Variants in TTLL5 observed in about 807,000 individuals in gnomAD.
TTLL5 encodes tubulin tyrosine ligase like 5, also known as tubulin polyglutamylase TTLL5.
In TTLL5, 132 loss-of-function variants were observed where a neutral mutation model predicts 168.4. The observed-to-expected ratio is 0.78, with a 90% CI of 0.68 to 0.91. The LOEUF (loss-of-function observed/expected upper bound fraction) is 0.91, where lower values mean the gene tolerates loss of function less well. Ranked by LOEUF, TTLL5 falls within the 40% of genes least tolerant of loss-of-function variation. TTLL5 has a pLI of 0.00. For synonymous variants in TTLL5, 546 were observed against 558.6 expected (o/e 0.98, Z 0.32); for missense variants, 1,545 against 1,581.5 (o/e 0.98, Z 0.39).
At chr14:75,930,682 G>T in intron 31 of TTLL5, 3 of 976,072 alleles carry the variant, frequency 3.1e-6, no homozygotes, top group South Asian at 4.7e-5. Flanking sequence ...ATAGGATTAG[G>T]CAAAGAAAGC....
Position 75,811,183 on chromosome 14 carries a change from GTGTGTA to G in TTLL5, c.3172-8818_3172-8813del, listed in dbSNP as rs1353740305. On this transcript the variant is annotated intron_variant, in intron 27 of 31. Transcript: ENST00000298832. ...TGTGTGTGTGTGTGTGTGTGTGTGT[GTGTGTA>G]TGTGTGTGTGTGTGTTTGGGAGTAG... is the stretch of plus-strand genomic sequence containing the variant. Among the ~76,000 whole-genome samples the G allele has an allele frequency of 8.6e-3, 1,044 of 121,474 alleles. 8 individuals are homozygous for G. The highest frequency in any genetic ancestry group is 0.014 in the Non-Finnish European group (750 of 52,232). The allele number at this position is 121,474 out of a possible 152,430, so 79.7% of individuals were successfully genotyped here. A position where few individuals can be genotyped will look rare whatever the true frequency, so the allele number is the denominator to read the frequency against.
intron 29 of TTLL5, among the ~76,000 whole-genome samples, chr14:75,872,761 A>AT (rs1432379095): frequency 6.6e-6 from 1 of 151,900 alleles, no homozygotes; most frequent in African/African-American, 2.4e-5. Context: ...AATACAAAAA[A>AT]TTAGCTGTGC....
intron 18 of TTLL5, among the ~76,000 whole-genome samples, chr14:75,755,306 C>A (rs780812976): frequency 1.3e-5 from 2 of 150,608 alleles, no homozygotes; most frequent in Non-Finnish European, 2.9e-5. Flanking sequence ...TAATAATTTT[C>A]CCTGTTTAGC....
intron 28 of TTLL5, among the ~76,000 whole-genome samples, chr14:75,826,065 T>A (rs1170254770): frequency 6.6e-6 from 1 of 152,066 alleles, no homozygotes; most frequent in Non-Finnish European, 1.5e-5. Flanking sequence ...CAAAGATAGC[T>A]GGCTGGACGT....
chr14:75,708,434 T>G (rs2140174707), intron 9 of TTLL5, among the ~76,000 whole-genome samples: 1 of 152,260 alleles, frequency 6.6e-6, no homozygotes, highest in Middle Eastern at 3.4e-3. Context: ...CACGCCATTC[T>G]CCTGCCTCAG....
In TTLL5 at chr14:75,766,320, A is replaced by G; in HGVS notation, c.1967A>G (p.Glu656Gly). Residue 656 changes from glutamate (E) to glycine (G), a missense_variant, in exon 20 of 32, where the codon GAG becomes GGG. Transcript: ENST00000298832. ...TGCAAACTTGAGACTCAGGAGCTAG[A>G]GCCTAAATTTAACCTGATGCAGATT... ...HCCKLETQEL[E>G]PKFNLMQILQ... 2 of 1,613,918 alleles carry G rather than the reference A, an allele frequency of 1.2e-6. No individual in the cohort carries two copies. Among genetic ancestry groups the G allele is most frequent in the Non-Finnish European group, 1.7e-6 (2 of 1,179,950 alleles).
intron 29 of TTLL5, among the ~76,000 whole-genome samples, chr14:75,868,603 T>A (rs561981350): frequency 6.6e-6 from 1 of 152,358 alleles, no homozygotes; most frequent in Admixed American, 6.5e-5. Flanking sequence ...AGTTTGCTGG[T>A]AACATCTTGA....
intron 27 of TTLL5, among the ~76,000 whole-genome samples, chr14:75,797,611 T>C (rs534427311): frequency 3.9e-5 from 6 of 152,060 alleles, no homozygotes; most frequent in Non-Finnish European, 7.4e-5. Context: ...TTGTTGAGGG[T>C]TTTAATCATG....
At chr14:75,765,049 T>C (rs2140297364) in intron 19 of TTLL5, among the ~76,000 whole-genome samples, 2 of 152,324 alleles carry the variant, frequency 1.3e-5, no homozygotes, top group South Asian at 4.1e-4. Context: ...GAAATAATAT[T>C]AGCCTGAGTT....
intron 28 of TTLL5, among the ~76,000 whole-genome samples, chr14:75,820,919 G>T (rs867667443): frequency 2.0e-5 from 3 of 152,012 alleles, no homozygotes; most frequent in African/African-American, 7.2e-5. Flanking sequence ...AAATGTGACT[G>T]TTACAGTGAA....
chr14:75,714,428 A>G (rs1210113214), intron 9 of TTLL5, among the ~76,000 whole-genome samples: 6 of 152,018 alleles, frequency 3.9e-5, no homozygotes, highest in Non-Finnish European at 5.9e-5. Context: ...TCTTGCCTTA[A>G]TGAATTATTG....
At chr14:75,847,003 C>CT (rs955492768) in intron 28 of TTLL5, among the ~76,000 whole-genome samples, 2 of 151,774 alleles carry the variant, frequency 1.3e-5, no homozygotes, top group African/African-American at 2.4e-5. Context: ...AATACAAGTT[C>CT]TATATTTCTT....
intron 3 of TTLL5, among the ~76,000 whole-genome samples, chr14:75,674,675 G>A (rs1174799676): frequency 6.6e-6 from 1 of 151,586 alleles, no homozygotes; most frequent in Admixed American, 6.6e-5. Flanking sequence ...TCAGCTTAAA[G>A]TAAACTTCTA....
chr14:75,903,814 G>T (rs113420224), intron 31 of TTLL5, among the ~76,000 whole-genome samples: 4,363 of 151,412 alleles, frequency 0.029, 148 homozygotes, highest in African/African-American at 0.078. Context: ...AGGATCACTT[G>T]AGCCCAGGAA....
intron 23 of TTLL5, 87 bp downstream of exon 23, chr14:75,776,937 A>G (rs1360162515): frequency 1.9e-6 from 2 of 1,074,230 alleles, no homozygotes; most frequent in Non-Finnish European, 2.7e-6. Context: ...TGTTTCTGAT[A>G]CATGGATGTG....
At position 75,783,476 on chromosome 14, in the gene TTLL5, A is replaced by G; in HGVS notation, c.2932A>G (p.Ser978Gly). 6.2e-7 allele frequency: 1 copy of G among 1,614,140 alleles called. No homozygotes were observed. The highest frequency in any genetic ancestry group is 8.5e-7 in the Non-Finnish European group (1 of 1,180,020). ...CATTGGTCCCTTTTCTTCCTTCCAAAGTGCTGCACACATCTATAGCCAGAA... is the reference window on the plus strand; with the variant it reads ...CATTGGTCCCTTTTCTTCCTTCCAAGGTGCTGCACACATCTATAGCCAGAA... ...HTIGPFSSFQ[S>G]AAHIYSQKLS... Residue 978 changes from serine to glycine, a missense_variant, in exon 26 of 32, where the codon AGT (serine) becomes GGT (glycine). By Grantham distance (56) the Ser-to-Gly change is moderately conservative (BLOSUM62 0). Coordinates refer to ENST00000298832, the MANE Select transcript of TTLL5 (RefSeq NM_015072.5).
At chr14:75,883,290 A>C (rs572613064) in intron 30 of TTLL5, among the ~76,000 whole-genome samples, 1 of 152,384 alleles carries the variant, frequency 6.6e-6, no homozygotes, top group South Asian at 2.1e-4. Flanking sequence ...TCTGTGTAGC[A>C]ACAGTGTTTT....
At chr14:75,858,047 A>T (rs1017839636) in intron 28 of TTLL5, among the ~76,000 whole-genome samples, 1 of 152,192 alleles carries the variant, frequency 6.6e-6, no homozygotes, top group Admixed American at 6.5e-5. Flanking sequence ...TTAAATTTTT[A>T]AAATACGTAT....
chr14:75,798,797 TC>T (rs1218534257), intron 27 of TTLL5, among the ~76,000 whole-genome samples: 1 of 152,188 alleles, frequency 6.6e-6, no homozygotes, highest in Non-Finnish European at 1.5e-5. Context: ...GGAGTTGATT[TC>T]CAGTTTTATT....
Sources: allele counts gnomAD v4.1 joint callset (sites outside exome capture counted in the v4.1 genomes callset), GRCh38; gene constraint gnomAD v4.1.1; transcripts MANE v1.5; gene names NCBI Gene and HGNC (gene_info 2026-07-23, HGNC 2026-07-21).